Variants in AGBL5 observed in about 807,000 individuals in gnomAD.
AGBL5 encodes the protein cytosolic carboxypeptidase-like protein 5.
AGBL5 carries 51 observed loss-of-function variants against 88.0 expected under a neutral mutation model. The ratio of observed to expected loss-of-function variants is 0.58; its 90% CI spans 0.46 to 0.73. The LOEUF (loss-of-function observed/expected upper bound fraction) is 0.73, where lower values mean the gene tolerates loss of function less well. AGBL5 is among the 30% of genes least tolerant of loss of function. The pLI is 0.00. For synonymous variants in AGBL5, 446 were observed against 438.8 expected, an observed-to-expected ratio of 1.02 and a Z score of -0.21; for missense variants, 1,031 against 1,162.2, an observed-to-expected ratio of 0.89 and a Z score of 1.64.
intron 11 of AGBL5, among the ~76,000 whole-genome samples, chr2:27,063,236 C>T (rs1668803442): frequency 6.6e-6 from 1 of 152,182 alleles, no homozygotes; most frequent in Admixed American, 6.5e-5. Flanking sequence ...CTGCCTGCCA[C>T]TTAGTAAGTG....
intron 11 of AGBL5, among the ~76,000 whole-genome samples, chr2:27,059,938 CAGG>C (rs1327621564): frequency 6.6e-6 from 1 of 152,140 alleles, no homozygotes; most frequent in Non-Finnish European, 1.5e-5. Flanking sequence ...CACTTGAGGC[CAGG>C]AGTTCAAGAA....
chr2:27,054,795 C>A lies in AGBL5; in HGVS notation c.717C>A (p.Phe239Leu), dbSNP rs763726002. Residue 239 changes from phenylalanine to leucine, a missense_variant, in exon 5 of 15, where the codon TTC becomes TTA. By Grantham distance (22) the Phe-to-Leu change is conservative. Transcript: ENST00000360131. Reference protein sequence around the residue: ...PDTSTPRPFRFAGKRIFFLSS... With the variant: ...PDTSTPRPFRLAGKRIFFLSS... The stretch of plus-strand genomic sequence containing the variant: ...CCAGCACCCCTCGACCATTCCGTTT[C>A]GCAGGCAAGAGGGTGAGTGGAAATA... 1 of 1,612,150 alleles carries A rather than the reference C, an allele frequency of 6.2e-7. No individual in the cohort carries two copies. The highest frequency in any genetic ancestry group is 8.5e-7 in the Non-Finnish European group (1 of 1,179,648).
Position 27,058,605 on chromosome 2 carries a change from A to G in AGBL5, c.1874+3A>G. The G allele has an allele frequency of 1.2e-6, 2 of 1,613,840 alleles. No homozygotes were observed. Among genetic ancestry groups the G allele is most frequent in the South Asian group, 1.1e-5 (1 of 91,058 alleles). On this transcript the variant is annotated splice_donor_region_variant and intron_variant, in intron 10 of 14. Coordinates refer to ENST00000360131, the MANE Select transcript of AGBL5 (RefSeq NM_021831.6). ...CGAACTCCACCCAAAAGTCACAAGT[A>G]AGGCCAGCAAAATAGGAGGGAGAAA...
At chr2:27,059,567 C>G (rs1668608780) in intron 11 of AGBL5, 163 bp downstream of exon 11, 1 of 1,475,532 alleles carries the variant, frequency 6.8e-7, no homozygotes. Context: ...TTGGTGTTCC[C>G]TGCGGCATGA....
chr2:27,070,380 C>G lies in AGBL5; in HGVS notation c.*117C>G. ...TGACAGCCGTTAAGTCCTTGGAATGCCAGCCACGCTGTCCAAGGCATTACA... is the reference window on the plus strand; with the variant it reads ...TGACAGCCGTTAAGTCCTTGGAATGGCAGCCACGCTGTCCAAGGCATTACA... On this transcript the variant is annotated 3_prime_UTR_variant, in exon 15 of 15. Coordinates refer to ENST00000360131, the MANE Select transcript of AGBL5 (RefSeq NM_021831.6). The G allele has an allele frequency of 9.2e-7, 1 of 1,081,852 alleles. No homozygotes were observed. The highest frequency in any genetic ancestry group is 1.4e-6 in the Non-Finnish European group (1 of 728,392). 67.0% of individuals were successfully genotyped at this position (1,081,852 alleles called of 1,614,324 possible). A position where few individuals can be genotyped will look rare whatever the true frequency, so the allele number is the denominator to read the frequency against.
At chr2:27,058,295 A>AT (rs1668539169) in intron 9 of AGBL5, 105 bp from the exon 10 acceptor site, 1 of 1,321,084 alleles carries the variant, frequency 7.6e-7, no homozygotes, top group African/African-American at 1.4e-5. Context: ...TGAGCAAATT[A>AT]TAGGTCTGGC....
In AGBL5 at chr2:27,069,624, G is replaced by A. The variant is rs766304321; in HGVS notation, c.2407G>A (p.Gly803Ser). Residue 803 changes from glycine to serine, a missense_variant, in exon 14 of 15, where the codon GGC becomes AGC. Gly to Ser is a moderately conservative substitution (Grantham distance 56). Around this residue, in one of 2 missense-constraint regions of AGBL5, gnomAD observed 491 missense variants for 484.0 expected, o/e 1.01. Transcript: ENST00000360131. ...ACCGCCGACTCGCAGAGGGATGAAA[G>A]GCTCTTCAGGCCCCACATCCCCTAC... ...GSPPTRRGMK[G>S]SSGPTSPTPR... 3 of 1,614,192 alleles carry A rather than the reference G, an allele frequency of 1.9e-6. No individual in the cohort carries two copies. The highest frequency in any genetic ancestry group is 2.5e-6 in the Non-Finnish European group (3 of 1,180,022).
intron 11 of AGBL5, 108 bp downstream of exon 11, chr2:27,059,512 C>T: frequency 6.4e-7 from 1 of 1,553,154 alleles, no homozygotes; most frequent in African/African-American, 1.4e-5. Context: ...AGGGGTGAAT[C>T]AATAAAATTA....
chr2:27,054,024 C>T lies in AGBL5; in HGVS notation c.516C>T (p.Asp172=), dbSNP rs780288772. 6.2e-7 allele frequency: 1 copy of T among 1,614,024 alleles called. No homozygotes were observed. The highest frequency in any genetic ancestry group is 8.5e-7 in the Non-Finnish European group (1 of 1,179,950). Residue 172 remains aspartate (D), a synonymous_variant, in exon 4 of 15, where the codon GAC becomes GAT. Coordinates refer to ENST00000360131, the MANE Select transcript of AGBL5 (RefSeq NM_021831.6). ...GCCAGGAACTGCTAAACCAGCTAGA[C>T]CAGCGCTTTCCGGAGAACCACCCTA... ...SDCQELLNQL[D]QRFPENHPTH... is the part of the protein sequence containing the mutation.
intron 4 of AGBL5, 90 bp downstream of exon 4, chr2:27,054,149 A>G (rs960529989): frequency 9.1e-6 from 13 of 1,430,634 alleles, no homozygotes; most frequent in African/African-American, 2.9e-5. Context: ...GCTCTGAACC[A>G]TACTTTCATC....
chr2:27,052,942 G>A lies in AGBL5; in HGVS notation c.-17G>A. On this transcript the variant is annotated 5_prime_UTR_variant, in exon 2 of 15. An upstream start codon of the reference 5' UTR is lost. Transcript: ENST00000360131. ...CAGGGCCAGAGCGGGGCAGGAGGAT[G>A]CTTTCCCAGCCCCACCATGGAGCTG... 2 of 1,576,092 alleles carry A rather than the reference G, an allele frequency of 1.3e-6. No homozygotes were observed. Among genetic ancestry groups the A allele is most frequent in the Non-Finnish European group, 1.7e-6 (2 of 1,154,808 alleles).
chr2:27,060,619 A>G (rs1369809103), intron 11 of AGBL5, among the ~76,000 whole-genome samples: 1 of 152,188 alleles, frequency 6.6e-6, no homozygotes, highest in Non-Finnish European at 1.5e-5. Flanking sequence ...CAGACCAGAC[A>G]TGTGCTGTGT....
Position 27,053,265 on chromosome 2 carries a change from T to A in AGBL5, c.215+92T>A. ...ATCTGTTCATACCCAGCATACTCCC[T>A]GTCCATTTCTGACCCATCGTCCCTC... is the stretch of plus-strand genomic sequence containing the variant. On this transcript the variant is annotated intron_variant, in intron 2 of 14. Transcript: ENST00000360131. The surrounding 1 kb of genome is among the most constrained non-coding windows in gnomAD (Gnocchi z 4.9). 2 of 1,516,476 alleles carry A rather than the reference T, an allele frequency of 1.3e-6. No homozygotes were observed. The highest frequency in any genetic ancestry group is 1.8e-6 in the Non-Finnish European group (2 of 1,120,226). The allele number at this position is 1,516,476 out of a possible 1,614,324, so 93.9% of individuals were successfully genotyped here.
rs201174271 is a variant in AGBL5, at chr2:27,067,477, G to C, written c.2090-17G>C. On this transcript the variant is annotated splice_polypyrimidine_tract_variant and intron_variant, in intron 11 of 14. Transcript: ENST00000360131. ...CACTTATTTGCCCTTTTATCTGCTTGTATCTCTTCCACTCAGAGCCCCGAA... is the reference window on the plus strand; with the variant it reads ...CACTTATTTGCCCTTTTATCTGCTTCTATCTCTTCCACTCAGAGCCCCGAA... 5.6e-6 allele frequency: 9 copies of C among 1,610,412 alleles called. No homozygotes were observed. The highest frequency in any genetic ancestry group is 7.6e-6 in the Non-Finnish European group (9 of 1,177,670).
In AGBL5 at chr2:27,059,360, C is replaced by T. The variant is rs758536215; in HGVS notation, c.2045C>T (p.Ser682Phe). ...CCTGCAGGGCTGCCAGGCCTGGGCT[C>T]TAGTACCCAAAAGGTCACCCACCGG... ...SRPAGLPGLGSSTQKVTHRVL... is the reference protein window; with the variant it reads ...SRPAGLPGLGFSTQKVTHRVL... The change falls in exon 11 of 15, where the codon TCT becomes TTT. Residue 682 changes from serine (S) to phenylalanine (F), a missense_variant. Physicochemically the swap from Ser to Phe is radical, Grantham distance 155. Around this residue, in one of 2 missense-constraint regions of AGBL5, gnomAD observed 491 missense variants for 484.0 expected, o/e 1.01. Coordinates refer to ENST00000360131, the MANE Select transcript of AGBL5 (RefSeq NM_021831.6). 2 of 1,614,098 alleles carry T rather than the reference C, an allele frequency of 1.2e-6. No homozygotes were observed. Among genetic ancestry groups the T allele is most frequent in the African/African-American group, 1.3e-5 (1 of 74,930 alleles).
chr2:27,061,062 T>C (rs1054487481), intron 11 of AGBL5: 1 of 152,112 alleles, frequency 6.6e-6, no homozygotes, highest in Non-Finnish European at 1.5e-5. Flanking sequence ...TCTGTTTCTT[T>C]TCCTTTCCTT....
intron 12 of AGBL5, 65 bp from the exon 13 acceptor site, chr2:27,068,564 CTGA>C: frequency 2.8e-6 from 4 of 1,427,474 alleles, no homozygotes; most frequent in Non-Finnish European, 3.9e-6. Context: ...TTAAGAAACC[CTGA>C]TCCTTTGGAA....
At position 27,053,539 on chromosome 2, in the gene AGBL5, G is replaced by T; in HGVS notation, c.353G>T (p.Arg118Leu). Residue 118 changes from arginine (R) to leucine (L), a missense_variant, in exon 3 of 15, where the codon CGC (arginine) becomes CTC (leucine). Physicochemically the swap from Arg to Leu is moderately radical, Grantham distance 102. This residue lies in a region of AGBL5 where 540 missense variants were observed against 678.2 expected (regional missense o/e 0.80). Coordinates refer to ENST00000360131, the MANE Select transcript of AGBL5 (RefSeq NM_021831.6). This position sits in a 1 kb window ranked among gnomAD's most constrained non-coding sequence, Gnocchi z 4.9. ...GTGCGCACACTGCCCACCCGGCCAC[G>T]CTGGGAACGCATTCGAGACCGGCCC... The part of the protein sequence containing the change: ...PFVRTLPTRP[R>L]WERIRDRPTF... 2 of 1,613,844 alleles carry T rather than the reference G, an allele frequency of 1.2e-6. No homozygotes were observed. The highest frequency in any genetic ancestry group is 1.7e-6 in the Non-Finnish European group (2 of 1,179,940).
rs1668307809 is a variant in AGBL5 at position 27,054,042 on chromosome 2, C to G, written c.534C>G (p.Asn178Lys). ...AGCTAGACCAGCGCTTTCCGGAGAA[C>G]CACCCTACCCATAGCAGGTGCCAGC... ...LNQLDQRFPE[N>K]HPTHSSPLDT... Residue 178 changes from asparagine (N) to lysine (K), a missense_variant, in exon 4 of 15, where the codon AAC (asparagine) becomes AAG (lysine). Transcript: ENST00000360131. 1 of 1,613,162 alleles carries G rather than the reference C, an allele frequency of 6.2e-7. No individual in the cohort carries two copies. The highest frequency in any genetic ancestry group is 1.1e-5 in the South Asian group (1 of 90,998).
Sources: allele counts gnomAD v4.1 joint callset (sites outside exome capture counted in the v4.1 genomes callset), GRCh38; gene constraint gnomAD v4.1.1; regional missense constraint gnomAD v4.1.1; non-coding constraint Gnocchi (gnomAD v3.1); transcripts MANE v1.5; gene names NCBI Gene and HGNC (gene_info 2026-07-23, HGNC 2026-07-21).